The following PRKD3 variants were observed in gnomAD, a reference collection of about 807,000 sequenced individuals.
The protein encoded by PRKD3 is serine/threonine-protein kinase D3.
PRKD3 carries 47 observed loss-of-function variants against 99.2 expected under a neutral mutation model. The observed-to-expected ratio is 0.47, with a 90% CI of 0.38 to 0.60. The LOEUF is 0.60. Among genes scored for constraint, PRKD3 ranks in the 20% least tolerant of loss-of-function variants. The pLI is 0.00. For missense variants in PRKD3, 1,019 were observed against 1,088.4 expected (o/e 0.94, Z 0.90); for synonymous variants, 392 against 355.4 (o/e 1.10, Z -1.16).
chr2:37,311,930 A>C (rs1671442553), intron 2 of PRKD3, among the ~76,000 whole-genome samples: 1 of 152,242 alleles, frequency 6.6e-6, no homozygotes, highest in South Asian at 2.1e-4. Context: ...GTCTGGGTTG[A>C]AAACCACTGT....
intron 13 of PRKD3, chr2:37,268,607 T>A (rs1041279106): frequency 3.9e-6 from 1 of 257,576 alleles, no homozygotes; most frequent in African/African-American, 2.3e-5. Flanking sequence ...ATGTTTTTAT[T>A]TGATGGAGAA....
At chr2:37,271,471 C>G (rs1419052553) in intron 12 of PRKD3, among the ~76,000 whole-genome samples, 1 of 152,206 alleles carries the variant, frequency 6.6e-6, no homozygotes, top group Non-Finnish European at 1.5e-5. Context: ...TTGTCACAAC[C>G]ACATAGCTGC....
chr2:37,269,783 A>G, intron 12 of PRKD3, 96 bp from the exon 13 acceptor site: 1 of 847,254 alleles, frequency 1.2e-6, no homozygotes, highest in South Asian at 1.9e-5. Flanking sequence ...ATACATTTTT[A>G]TGTTAGAAGC....
At chr2:37,319,581 A>T (rs1671790235) in intron 1 of PRKD3, among the ~76,000 whole-genome samples, 1 of 152,218 alleles carries the variant, frequency 6.6e-6, no homozygotes. Context: ...GTATTTATCA[A>T]CGAAAAAGAT....
At chr2:37,254,393 G>A in intron 17 of PRKD3, 104 bp from the exon 18 acceptor site, 1 of 810,792 alleles carries the variant, frequency 1.2e-6, no homozygotes, top group Non-Finnish European at 2.1e-6. Flanking sequence ...ACAGGGTTGA[G>A]GAATTTTTGC....
At chr2:37,272,332 C>A in intron 12 of PRKD3, 48 bp downstream of exon 12, 3 of 1,589,640 alleles carry the variant, frequency 1.9e-6, no homozygotes, top group South Asian at 1.2e-5. Context: ...CTTTTATTTT[C>A]CTTATTTTAA....
intron 1 of PRKD3, among the ~76,000 whole-genome samples, chr2:37,321,703 G>T (rs1671891115): frequency 6.6e-6 from 1 of 152,130 alleles, no homozygotes; most frequent in Non-Finnish European, 1.5e-5. Context: ...ACAAACAGCT[G>T]GGTAATTATA....
chr2:37,301,509 C>A (rs1670931132), intron 2 of PRKD3, among the ~76,000 whole-genome samples: 1 of 151,852 alleles, frequency 6.6e-6, no homozygotes. Context: ...TCACTGCTCA[C>A]TGCAACCTCA....
Position 37,277,944 on chromosome 2 carries a change from G to A in PRKD3, c.1218C>T (p.Ser406=). ...TGCTCTTCCTCTTTGTGTGCTTGAT[G>A]GATTGTACAACCCTCATTAGCGGAA... ...NNIPLMRVVQ[S]IKHTKRKSST... Residue 406 remains serine, a synonymous_variant, in exon 9 of 19, where the codon TCC becomes TCT. Transcript: ENST00000234179. 3.7e-6 allele frequency: 6 copies of A among 1,612,348 alleles called. No individual in the cohort carries two copies. In the East Asian group the frequency reaches 6.7e-5, roughly 18 times the overall value.
At chr2:37,295,827 T>G (rs1670650129) in intron 2 of PRKD3, among the ~76,000 whole-genome samples, 1 of 152,320 alleles carries the variant, frequency 6.6e-6, no homozygotes, top group Non-Finnish European at 1.5e-5. Context: ...ATTAAATCTG[T>G]ATTTTAAAAA....
At chr2:37,262,478 C>T (rs1668538287) in intron 14 of PRKD3, among the ~76,000 whole-genome samples, 1 of 152,096 alleles carries the variant, frequency 6.6e-6, no homozygotes, top group Non-Finnish European at 1.5e-5. Flanking sequence ...TCATTTTAAA[C>T]CCATTTTATG....
intron 6 of PRKD3, 59 bp downstream of exon 6, chr2:37,286,118 C>T (rs1255101411): frequency 6.1e-6 from 8 of 1,314,106 alleles, no homozygotes; most frequent in African/African-American, 3.0e-5. Flanking sequence ...ATATTTTAAG[C>T]CTATATATAA....
chr2:37,266,590 G>A (rs920536081), intron 14 of PRKD3, among the ~76,000 whole-genome samples: 8 of 151,914 alleles, frequency 5.3e-5, no homozygotes, highest in Admixed American at 3.3e-4. Flanking sequence ...AGGTTCAAGC[G>A]ATTCTCCTGC....
At chr2:37,307,928 AG>A (rs2124884470) in intron 2 of PRKD3, among the ~76,000 whole-genome samples, 1 of 152,350 alleles carries the variant, frequency 6.6e-6, no homozygotes, top group South Asian at 2.1e-4. Flanking sequence ...AATTTAATCT[AG>A]TTTTTAAATT....
chr2:37,315,244 T>C (rs775408583), intron 2 of PRKD3, among the ~76,000 whole-genome samples: 1 of 152,122 alleles, frequency 6.6e-6, no homozygotes, highest in African/African-American at 2.4e-5. Flanking sequence ...ACAGAAAACA[T>C]ACTAGCCTCA....
chr2:37,256,963 A>G (rs751210791), intron 16 of PRKD3, 34 bp from the exon 17 acceptor site: 6 of 1,608,736 alleles, frequency 3.7e-6, no homozygotes, highest in Non-Finnish European at 5.1e-6. Context: ...ATTTTGTATT[A>G]TAGTGTTATA....
chr2:37,302,950 T>C (rs996844479), intron 2 of PRKD3, among the ~76,000 whole-genome samples: 2 of 152,158 alleles, frequency 1.3e-5, no homozygotes, highest in African/African-American at 4.8e-5. Context: ...TTGCCTGCTC[T>C]CTCCTGATTG....
At chr2:37,290,051 A>T (rs1362781117) in intron 4 of PRKD3, among the ~76,000 whole-genome samples, 1 of 152,220 alleles carries the variant, frequency 6.6e-6, no homozygotes, top group Non-Finnish European at 1.5e-5. Context: ...GCAGAGTTAA[A>T]TCATGACAGA....
chr2:37,255,374 C>G (rs899843673), intron 17 of PRKD3, among the ~76,000 whole-genome samples: 4 of 152,196 alleles, frequency 2.6e-5, no homozygotes, highest in African/African-American at 9.7e-5. Flanking sequence ...TTCCCCAGCA[C>G]TGGTTCTATT....
Sources: gnomAD v4.1 joint callset for allele counts (sites outside exome capture counted in the v4.1 genomes callset) on GRCh38, gnomAD v4.1.1 for gene constraint, MANE v1.5 for transcripts, NCBI Gene and HGNC (gene_info 2026-07-23, HGNC 2026-07-21) for gene names.